Variants in CEACAM1 observed in about 807,000 individuals in gnomAD.
The protein encoded by CEACAM1 is CEA cell adhesion molecule 1.
CEACAM1 carries 31 observed loss-of-function variants against 49.1 expected under a neutral mutation model. The observed-to-expected ratio is 0.63, with a 90% CI of 0.47 to 0.85. The LOEUF (loss-of-function observed/expected upper bound fraction) is 0.85, where lower values mean the gene tolerates loss of function less well. CEACAM1 is among the 40% of genes least tolerant of loss of function. The pLI, the probability that CEACAM1 is intolerant of heterozygous loss-of-function variation, is 0.00. For synonymous variants in CEACAM1, 244 were observed against 247.8 expected (o/e 0.98, Z 0.14); for missense variants, 570 against 645.3 (o/e 0.88, Z 1.26).
rs537091721 is a variant in CEACAM1, at chr19:42,527,003, A to G, written c.424+38T>C. 265 of 1,572,494 alleles carry G rather than the reference A, an allele frequency of 1.7e-4. 1 individual carries two copies. In the African/African-American group the frequency reaches 3.0e-3, roughly 18 times the overall value. On this transcript the variant is annotated intron_variant, in intron 2 of 8. Transcript: ENST00000161559. The stretch of plus-strand genomic sequence containing the variant: ...AATCCCATGTGTGGGAAGTAGAACT[A>G]ACCCCCCAACACCCAGAGGTCATGG...
chr19:42,521,267 C>T lies in CEACAM1; in HGVS notation c.958G>A (p.Glu320Lys), dbSNP rs1403651521. ...RTTVKTIIVT[E>K]LSPVVAKPQI... ...TGTTGATGCTCCAGGAATTACTTAC[C>T]AGTGACTATGATCGTCTTGACTGTG... Residue 320 changes from glutamate (E) to lysine (K), a missense_variant and splice_region_variant, in exon 4 of 9, where the codon GAG becomes AAG. Glu to Lys is a moderately conservative substitution (Grantham distance 56, BLOSUM62 1). Coordinates refer to ENST00000161559, the MANE Select transcript of CEACAM1 (RefSeq NM_001712.5). 1.2e-6 allele frequency: 2 copies of T among 1,613,726 alleles called. No individual in the cohort carries two copies. The highest frequency in any genetic ancestry group is 4.5e-5 in the East Asian group (2 of 44,876).
At chr19:42,515,063 G>T in intron 5 of CEACAM1, 1 of 673,054 alleles carries the variant, frequency 1.5e-6, no homozygotes, top group Non-Finnish European at 2.7e-6. Flanking sequence ...GAGCCCAGGA[G>T]TTCGAGTCCA....
intron 6 of CEACAM1, 63 bp from the exon 7 acceptor site, chr19:42,511,691 A>G: frequency 6.6e-7 from 1 of 1,512,314 alleles, no homozygotes. Flanking sequence ...TCCGTAAGTT[A>G]GGAAGGACAC....
At chr19:42,526,932 A>G (rs2041905629) in intron 2 of CEACAM1, 109 bp downstream of exon 2, 2 of 1,515,330 alleles carry the variant, frequency 1.3e-6, no homozygotes, top group Non-Finnish European at 1.8e-6. Context: ...AAACCTTAAC[A>G]TGGGGTATAA....
At chr19:42,522,572 T>C (rs1349507312) in intron 2 of CEACAM1, among the ~76,000 whole-genome samples, 2 of 151,410 alleles carry the variant, frequency 1.3e-5, no homozygotes, top group Non-Finnish European at 2.9e-5. Flanking sequence ...TTCTTTCTTT[T>C]TTTTTTTGAG....
In CEACAM1 at chr19:42,508,948, G is replaced by A. The variant is rs2041388847; in HGVS notation, c.*161C>T. ...TTTCATCTATTGACACTGAGAGAGG[G>A]GCAGTGACCAGGCAGCCTGGAGATG... On this transcript the variant is annotated 3_prime_UTR_variant, in exon 9 of 9. Coordinates refer to ENST00000161559, the MANE Select transcript of CEACAM1 (RefSeq NM_001712.5). 1.5e-6 allele frequency: 1 copy of A among 685,526 alleles called. No individual in the cohort carries two copies. Among genetic ancestry groups the A allele is most frequent in the Non-Finnish European group, 2.4e-6 (1 of 410,310 alleles). 42.5% of individuals were successfully genotyped at this position (685,526 alleles called of 1,614,324 possible). A position where few individuals can be genotyped will look rare whatever the true frequency, so the allele number is the denominator to read the frequency against.
At position 42,512,426 on chromosome 19, in the gene CEACAM1, C is replaced by G; in HGVS notation, c.1300G>C (p.Val434Leu). The change falls in exon 6 of 9, where the codon GTG (valine) becomes CTG (leucine). Residue 434 changes from valine to leucine, a missense_variant. Coordinates refer to ENST00000161559, the MANE Select transcript of CEACAM1 (RefSeq NM_001712.5). ...GLSPGAIAGI[V>L]IGVVALVALI... ...GCAACCAGGGCCACTACTCCAATCA[C>G]AATGCCAGCAATGGCCCCAGGTGAG... The G allele has an allele frequency of 1.9e-6, 3 of 1,614,164 alleles. No individual in the cohort carries two copies. Among genetic ancestry groups the G allele is most frequent in the Non-Finnish European group, 2.5e-6 (3 of 1,179,966 alleles).
chr19:42,525,672 C>T, intron 2 of CEACAM1: 1 of 152,224 alleles, frequency 6.6e-6, no homozygotes, highest in Non-Finnish European at 1.5e-5. Flanking sequence ...ACTGAACCAA[C>T]TCTGGTATTG....
intron 5 of CEACAM1, among the ~76,000 whole-genome samples, chr19:42,514,451 A>T (rs1049380605): frequency 2.0e-5 from 3 of 152,136 alleles, no homozygotes; most frequent in African/African-American, 7.2e-5. Flanking sequence ...TTAAAAAAAA[A>T]TAATTTTTGT....
At chr19:42,520,320 C>A (rs902310688) in intron 4 of CEACAM1, among the ~76,000 whole-genome samples, 1 of 152,194 alleles carries the variant, frequency 6.6e-6, no homozygotes, top group African/African-American at 2.4e-5. Context: ...CTCAGGGAGG[C>A]AGCCTGACCC....
rs773684920 is a variant in CEACAM1, at chr19:42,519,022, G to A, written c.1172C>T (p.Ala391Val). Reference protein sequence around the residue: ...LSINPVKREDAGTYWCEVFNP... With the variant: ...LSINPVKREDVGTYWCEVFNP... ...GAAGACCTCACACCAATACGTCCCA[G>A]CATCCTCCCTCTTGACAGGGTTTAT... The change falls in exon 5 of 9, where the codon GCT becomes GTT. Residue 391 changes from alanine to valine, a missense_variant. Ala to Val is a moderately conservative substitution (Grantham distance 64). Transcript: ENST00000161559. 1 of 1,605,296 alleles carries A rather than the reference G, an allele frequency of 6.2e-7. No individual in the cohort carries two copies. Among genetic ancestry groups the A allele is most frequent in the Non-Finnish European group, 8.5e-7 (1 of 1,175,560 alleles).
chr19:42,515,080 GT>G (rs2041566334), intron 5 of CEACAM1: 1 of 664,370 alleles, frequency 1.5e-6, no homozygotes, highest in Non-Finnish European at 2.7e-6. Context: ...TCCAGCCTGG[GT>G]AACATGGTGA....
chr19:42,512,141 G>T (rs994941065), intron 6 of CEACAM1, among the ~76,000 whole-genome samples: 3 of 152,176 alleles, frequency 2.0e-5, no homozygotes, highest in Non-Finnish European at 4.4e-5. Flanking sequence ...ATTAGATGGG[G>T]ATTGGAATAC....
intron 5 of CEACAM1, among the ~76,000 whole-genome samples, chr19:42,517,830 T>G (rs148034243): frequency 2.6e-5 from 4 of 152,326 alleles, no homozygotes; most frequent in African/African-American, 9.6e-5. Flanking sequence ...CTTCTGAGTA[T>G]CTATTTAAAA....
At chr19:42,509,636 T>C (rs891588887) in intron 8 of CEACAM1, among the ~76,000 whole-genome samples, 2 of 152,134 alleles carry the variant, frequency 1.3e-5, no homozygotes, top group African/African-American at 4.8e-5. Flanking sequence ...GGTAGAGTTT[T>C]TTTTTTTTGC....
At position 42,528,394 on chromosome 19, in the gene CEACAM1, G is replaced by A. The variant is rs752656025; in HGVS notation, c.-20C>T. ...CCCCATGGTGTCTCCTGCTGGCCCT[G>A]TCTTCACCTGTGGAGGAGAGCTTGG... On this transcript the variant is annotated 5_prime_UTR_variant, in exon 1 of 9. Transcript: ENST00000161559. 1.9e-6 allele frequency: 3 copies of A among 1,613,242 alleles called. No individual in the cohort carries two copies. Among genetic ancestry groups the A allele is most frequent in the Non-Finnish European group, 2.5e-6 (3 of 1,179,380 alleles).
intron 1 of CEACAM1, 21 bp downstream of exon 1, chr19:42,528,290 C>G: frequency 6.2e-7 from 1 of 1,610,572 alleles, no homozygotes; most frequent in Non-Finnish European, 8.5e-7. Flanking sequence ...TCCGCCCCTT[C>G]CCAGGGTGTC....
In CEACAM1 at chr19:42,511,608, A is replaced by T. The variant is rs1009548482; in HGVS notation, c.1397T>A (p.Leu466His). Residue 466 changes from leucine (L) to histidine (H), a missense_variant, in exon 7 of 9, where the codon CTC becomes CAC. Physicochemically the swap from Leu to His is moderately conservative, Grantham distance 99. Coordinates refer to ENST00000161559, the MANE Select transcript of CEACAM1 (RefSeq NM_001712.5). ...KTGRASDQRD[L>H]TEHKPSVSNH... The stretch of plus-strand genomic sequence containing the variant: ...GGAGACTGAGGGTTTGTGCTCTGTG[A>T]GATCACGCTGGTCGCTTGCCCTAAA... 1.2e-6 allele frequency: 2 copies of T among 1,613,826 alleles called. No individual in the cohort carries two copies. The highest frequency in any genetic ancestry group is 1.3e-5 in the African/African-American group (1 of 74,904).
At chr19:42,522,940 A>C (rs2041795814) in intron 2 of CEACAM1, among the ~76,000 whole-genome samples, 1 of 152,220 alleles carries the variant, frequency 6.6e-6, no homozygotes, top group Admixed American at 6.5e-5. Flanking sequence ...CAATGATCTG[A>C]GGGCTCAGAG....
Sources: allele counts gnomAD v4.1 joint callset (sites outside exome capture counted in the v4.1 genomes callset), GRCh38; gene constraint gnomAD v4.1.1; transcripts MANE v1.5; gene names NCBI Gene and HGNC (gene_info 2026-07-23, HGNC 2026-07-21).